The following GRIK3 variants were observed in gnomAD, a reference collection of about 807,000 sequenced individuals.
The protein encoded by GRIK3 is glutamate receptor ionotropic, kainate 3.
GRIK3 carries 29 observed loss-of-function variants against 102.5 expected under a neutral mutation model. That is an observed-to-expected ratio of 0.28 (90% confidence interval 0.21 to 0.39). The LOEUF is 0.39. Ranked by LOEUF, GRIK3 falls within the 10% of genes least tolerant of loss-of-function variation. The probability of loss-of-function intolerance (pLI) is 1.00; values close to 1 mark genes in which losing one functional copy is unlikely to be tolerated. For synonymous variants in GRIK3, 511 were observed against 504.9 expected, an observed-to-expected ratio of 1.01 and a Z score of -0.16; for missense variants, 908 against 1,252.4, an observed-to-expected ratio of 0.73 and a Z score of 4.15.
chr1:36,825,996 A>G (rs1642751623), intron 10 of GRIK3, among the ~76,000 whole-genome samples, 170 bp from the exon 11 acceptor site: 1 of 152,166 alleles, frequency 6.6e-6, no homozygotes, highest in Admixed American at 6.5e-5. Flanking sequence ...GGGCCAGCTC[A>G]GGGTGCTGGG....
rs1179914695 is a variant in GRIK3, at chr1:37,034,185, C to T, written c.-77G>A. ...GGCGGCAGCTCTAGGCGCGGGCGCG[C>T]AGCAGCCCCGAAGGCGCCGCCTGGC... is the stretch of plus-strand genomic sequence containing the variant. On this transcript the variant is annotated 5_prime_UTR_variant, in exon 1 of 16. Transcript: ENST00000373091. The T allele has an allele frequency of 4.3e-6, 2 of 464,762 alleles. No individual in the cohort carries two copies. Among genetic ancestry groups the T allele is most frequent in the Non-Finnish European group, 6.7e-6 (2 of 300,190 alleles). The allele number at this position is 464,762 out of a possible 1,614,324, so 28.8% of individuals were successfully genotyped here. A position where few individuals can be genotyped will look rare whatever the true frequency, so the allele number is the denominator to read the frequency against.
chr1:36,885,305 T>A (rs904130970), intron 2 of GRIK3, among the ~76,000 whole-genome samples: 1 of 152,032 alleles, frequency 6.6e-6, no homozygotes, highest in East Asian at 1.9e-4. Context: ...ACAGTATCAG[T>A]GGGATGGTGG....
At chr1:36,979,038 G>A (rs1252327427) in intron 1 of GRIK3, among the ~76,000 whole-genome samples, 1 of 152,234 alleles carries the variant, frequency 6.6e-6, no homozygotes, top group African/African-American at 2.4e-5. Flanking sequence ...GGCTGGCCTT[G>A]ACCATGCTCA....
intron 1 of GRIK3, among the ~76,000 whole-genome samples, chr1:37,028,853 G>A (rs1329622759): frequency 6.6e-6 from 1 of 152,208 alleles, no homozygotes; most frequent in African/African-American, 2.4e-5. Flanking sequence ...TGTAGGTTGT[G>A]AAGGCTACCT....
At chr1:37,029,681 G>A (rs1011587710) in intron 1 of GRIK3, among the ~76,000 whole-genome samples, 1 of 152,270 alleles carries the variant, frequency 6.6e-6, no homozygotes, top group African/African-American at 2.4e-5. Context: ...CCCCCATGGA[G>A]GGGACTGTTT....
intron 15 of GRIK3, among the ~76,000 whole-genome samples, chr1:36,803,094 A>G (rs1642459712): frequency 6.6e-6 from 1 of 152,142 alleles, no homozygotes; most frequent in Non-Finnish European, 1.5e-5. Flanking sequence ...AATTTCAGAC[A>G]GTGACAGCCA....
At chr1:36,836,210 C>T (rs1640376518) in intron 10 of GRIK3, among the ~76,000 whole-genome samples, 1 of 152,224 alleles carries the variant, frequency 6.6e-6, no homozygotes, top group Admixed American at 6.5e-5. Flanking sequence ...GCATGCGGGC[C>T]AGAACTCAGA....
intron 10 of GRIK3, among the ~76,000 whole-genome samples, chr1:36,830,753 G>T (rs974311125): frequency 3.4e-5 from 5 of 145,034 alleles, no homozygotes; most frequent in African/African-American, 1.3e-4. Flanking sequence ...AGGGATTGCA[G>T]TGAGCCGAGA....
At chr1:37,012,653 G>A (rs1159808682) in intron 1 of GRIK3, among the ~76,000 whole-genome samples, 5 of 152,202 alleles carry the variant, frequency 3.3e-5, no homozygotes, top group African/African-American at 4.8e-5. Flanking sequence ...TGAGAAAAAC[G>A]AGGTGGGTAC....
intron 1 of GRIK3, among the ~76,000 whole-genome samples, chr1:36,974,796 T>A (rs559069613): frequency 2.0e-5 from 2 of 98,490 alleles, no homozygotes; most frequent in African/African-American, 1.5e-4. Flanking sequence ...CGAGACTCTG[T>A]CTCAAAAAAA....
intron 1 of GRIK3, among the ~76,000 whole-genome samples, chr1:37,014,563 A>G (rs1170357135): frequency 6.6e-6 from 1 of 152,252 alleles, no homozygotes; most frequent in Admixed American, 6.5e-5. Context: ...TCCACCAGGT[A>G]ACCTGTTGAG....
intron 1 of GRIK3, among the ~76,000 whole-genome samples, chr1:36,926,783 G>A (rs1258931313): frequency 6.6e-6 from 1 of 152,068 alleles, no homozygotes. Flanking sequence ...CTACCTCTTA[G>A]GCAACCCACG....
chr1:37,004,445 G>A (rs1055002605), intron 1 of GRIK3, among the ~76,000 whole-genome samples: 2 of 152,178 alleles, frequency 1.3e-5, no homozygotes, highest in Admixed American at 6.5e-5. Flanking sequence ...ATTGAGCTTC[G>A]GGTTGTGGAG....
chr1:36,795,566 A>T lies in GRIK3; in HGVS notation c.*6285T>A, dbSNP rs1391386211. Reference sequence around the variant, plus strand: ...AACATTTTATTTAAAATTTAAAACCATATTACTTCATACAGCAAACTGTGC... The same window carrying T: ...AACATTTTATTTAAAATTTAAAACCTTATTACTTCATACAGCAAACTGTGC... On this transcript the variant is annotated 3_prime_UTR_variant, in exon 16 of 16. Transcript: ENST00000373091. The T allele has an allele frequency of 6.6e-6, 1 of 152,184 alleles. No homozygotes were observed. Among genetic ancestry groups the T allele is most frequent in the African/African-American group, 2.4e-5 (1 of 41,444 alleles). The allele number at this position is 152,184 out of a possible 1,614,324, so 9.4% of individuals were successfully genotyped here.
chr1:36,844,823 C>T (rs1217159540), intron 9 of GRIK3, among the ~76,000 whole-genome samples: 1 of 152,118 alleles, frequency 6.6e-6, no homozygotes, highest in Non-Finnish European at 1.5e-5. Flanking sequence ...ACCTTTGCAG[C>T]CTAGAGGCCA....
At chr1:36,944,766 C>T (rs557408003) in intron 1 of GRIK3, among the ~76,000 whole-genome samples, 14 of 152,272 alleles carry the variant, frequency 9.2e-5, no homozygotes, top group Non-Finnish European at 1.6e-4. Context: ...TGTCAATTTC[C>T]TCATCTTTAA....
At chr1:36,958,663 C>CT (rs200700181) in intron 1 of GRIK3, among the ~76,000 whole-genome samples, 2 of 110,522 alleles carry the variant, frequency 1.8e-5, no homozygotes, top group Admixed American at 9.0e-5. Flanking sequence ...GCCTGTGTCC[C>CT]GTGAGCCTGT....
chr1:36,958,470 C>A (rs1202886444), intron 1 of GRIK3, among the ~76,000 whole-genome samples: 1 of 142,354 alleles, frequency 7.0e-6, no homozygotes, highest in African/African-American at 2.7e-5. Context: ...AGTCTGTGCC[C>A]CCTAAGTCTG....
chr1:36,830,969 G>C (rs1313973164), intron 10 of GRIK3, among the ~76,000 whole-genome samples: 1 of 152,144 alleles, frequency 6.6e-6, no homozygotes, highest in Non-Finnish European at 1.5e-5. Context: ...CATGGAACAG[G>C]TTCTCCTTCA....
Sources: allele counts gnomAD v4.1 joint callset (sites outside exome capture counted in the v4.1 genomes callset), GRCh38; gene constraint gnomAD v4.1.1; transcripts MANE v1.5; gene names NCBI Gene and HGNC (gene_info 2026-07-23, HGNC 2026-07-21).